PRLR: variants seen among roughly 807,000 people sequenced by gnomAD.
The protein encoded by PRLR is hPRL receptor.
PRLR carries 13 observed loss-of-function variants against 40.2 expected under a neutral mutation model. That is an observed-to-expected ratio of 0.32 (90% CI 0.21 to 0.51). The LOEUF is 0.51. PRLR is among the 20% of genes least tolerant of loss of function. The pLI is 0.97. For missense variants in PRLR, 656 were observed against 747.3 expected, an observed-to-expected ratio of 0.88 and a Z score of 1.42; for synonymous variants, 269 against 278.7, an observed-to-expected ratio of 0.97 and a Z score of 0.35.
chr5:35,112,895 A>G (rs180745686), intron 2 of PRLR, among the ~76,000 whole-genome samples: 78 of 152,240 alleles, frequency 5.1e-4, no homozygotes, highest in African/African-American at 1.6e-3. Flanking sequence ...CATCTGTCCA[A>G]CCAGAGTATT....
At chr5:35,147,903 A>C (rs1008593912) in intron 1 of PRLR, among the ~76,000 whole-genome samples, 5 of 152,160 alleles carry the variant, frequency 3.3e-5, no homozygotes, top group Admixed American at 3.3e-4. Context: ...GTGTCGGTGG[A>C]TTCACTATGG....
chr5:35,219,205 A>G (rs1406998333), intron 1 of PRLR, among the ~76,000 whole-genome samples: 2 of 152,214 alleles, frequency 1.3e-5, no homozygotes, highest in African/African-American at 4.8e-5. Flanking sequence ...TTTTTGCAGG[A>G]GAAACAAGTC....
intron 1 of PRLR, among the ~76,000 whole-genome samples, chr5:35,167,411 A>G (rs933664866): frequency 1.2e-4 from 19 of 152,126 alleles, no homozygotes; most frequent in Non-Finnish European, 2.4e-4. Flanking sequence ...TTGAAAGTCA[A>G]TAATCCAGGG....
At chr5:35,126,461 A>G (rs1027111585) in intron 1 of PRLR, among the ~76,000 whole-genome samples, 1 of 152,206 alleles carries the variant, frequency 6.6e-6, no homozygotes, top group Non-Finnish European at 1.5e-5. Context: ...GTCCAATTGC[A>G]TCAATCATTC....
chr5:35,113,617 C>G (rs777557920), intron 2 of PRLR, among the ~76,000 whole-genome samples: 26 of 152,250 alleles, frequency 1.7e-4, no homozygotes, highest in Non-Finnish European at 3.2e-4. Flanking sequence ...ATCTGTGATG[C>G]AGGGGTAGGG....
chr5:35,074,126 G>C (rs774230180), intron 5 of PRLR, among the ~76,000 whole-genome samples: 7 of 152,116 alleles, frequency 4.6e-5, no homozygotes, highest in African/African-American at 1.7e-4. Context: ...ATAGCCAAAA[G>C]TGAAGAAATC....
chr5:35,125,738 G>C (rs191585855), intron 1 of PRLR, among the ~76,000 whole-genome samples: 223 of 152,232 alleles, frequency 1.5e-3, no homozygotes, highest in Admixed American at 2.8e-3. Flanking sequence ...CATATTTCCT[G>C]GTCTTAGTAT....
chr5:35,069,608 G>C (rs184666685), intron 7 of PRLR, among the ~76,000 whole-genome samples: 5 of 152,318 alleles, frequency 3.3e-5, no homozygotes, highest in Admixed American at 3.3e-4. Flanking sequence ...ATAAGGTACA[G>C]GCTTTGTAAG....
chr5:35,205,003 G>A (rs1775977690), intron 1 of PRLR, among the ~76,000 whole-genome samples: 1 of 152,098 alleles, frequency 6.6e-6, no homozygotes, highest in African/African-American at 2.4e-5. Flanking sequence ...TGGTGAGAGA[G>A]CACTTACAAA....
At chr5:35,213,051 A>G (rs1776208699) in intron 1 of PRLR, among the ~76,000 whole-genome samples, 1 of 152,224 alleles carries the variant, frequency 6.6e-6, no homozygotes, top group Non-Finnish European at 1.5e-5. Context: ...ATGCTTTGCC[A>G]CTGAATAATG....
At chr5:35,072,805 C>A in intron 5 of PRLR, 61 bp from the exon 6 acceptor site, 1 of 1,565,844 alleles carries the variant, frequency 6.4e-7, no homozygotes, top group South Asian at 1.2e-5. Flanking sequence ...TTGGCTTTAC[C>A]ATTTTCTATT....
chr5:35,181,022 A>G (rs1186994940), intron 1 of PRLR, among the ~76,000 whole-genome samples: 1 of 152,208 alleles, frequency 6.6e-6, no homozygotes, highest in Non-Finnish European at 1.5e-5. Context: ...CATAGTAGGT[A>G]TTTAAACATA....
intron 5 of PRLR, among the ~76,000 whole-genome samples, chr5:35,082,185 C>T (rs2112447089): frequency 6.6e-6 from 1 of 152,220 alleles, no homozygotes; most frequent in South Asian, 2.1e-4. Flanking sequence ...TCAATAAAGT[C>T]CCCTGTACTA....
At chr5:35,136,104 C>G (rs900501495) in intron 1 of PRLR, among the ~76,000 whole-genome samples, 1 of 152,178 alleles carries the variant, frequency 6.6e-6, no homozygotes, top group African/African-American at 2.4e-5. Context: ...AAATCATACG[C>G]AGAATGAACA....
At chr5:35,120,633 T>C (rs1033068448) in intron 1 of PRLR, among the ~76,000 whole-genome samples, 7 of 152,194 alleles carry the variant, frequency 4.6e-5, no homozygotes, top group Admixed American at 6.5e-5. Context: ...TTGAGTATTG[T>C]GTGTCAGTCA....
At chr5:35,052,567 C>A (rs1768531732), downstream of PRLR, among the ~76,000 whole-genome samples, 1 of 152,148 alleles carries the variant, frequency 6.6e-6, no homozygotes, top group Non-Finnish European at 1.5e-5. Flanking sequence ...AATCTCACTT[C>A]CCCAAGGCAG....
chr5:35,096,810 G>A (rs1229176760), intron 2 of PRLR, among the ~76,000 whole-genome samples: 2 of 151,870 alleles, frequency 1.3e-5, no homozygotes, highest in Non-Finnish European at 2.9e-5. Flanking sequence ...CAGTAGAGAC[G>A]GGCTTTACCA....
intron 1 of PRLR, among the ~76,000 whole-genome samples, chr5:35,135,146 A>T (rs754446023): frequency 3.4e-4 from 52 of 150,814 alleles, no homozygotes; most frequent in Non-Finnish European, 6.2e-4. Flanking sequence ...AAGACTTAGG[A>T]AACAAATACT....
intron 1 of PRLR, among the ~76,000 whole-genome samples, chr5:35,202,347 T>C (rs759968671): frequency 1.3e-5 from 2 of 152,186 alleles, no homozygotes; most frequent in Non-Finnish European, 2.9e-5. Context: ...ATTCAAGGCT[T>C]TTTACAATTT....
Sources: allele counts gnomAD v4.1 joint callset (sites outside exome capture counted in the v4.1 genomes callset), GRCh38; gene constraint gnomAD v4.1.1; transcripts MANE v1.5; gene names NCBI Gene and HGNC (gene_info 2026-07-23, HGNC 2026-07-21).